CEP350: variants seen among roughly 807,000 people sequenced by gnomAD.
CEP350 encodes centrosomal protein 350, also known as centrosome-associated protein 350.
Under a neutral mutation model 331.8 loss-of-function variants are expected in CEP350, and 126 were observed. The observed-to-expected ratio is 0.38, with a 90% CI of 0.33 to 0.44. The LOEUF is 0.44. Ranked by LOEUF, CEP350 falls within the 20% of genes least tolerant of loss-of-function variation. The pLI is 1.00. For missense variants in CEP350, 3,406 were observed against 3,634.6 expected (o/e 0.94, Z 1.62); for synonymous variants, 1,200 against 1,259.5 (o/e 0.95, Z 1.00).
In CEP350 at chr1:180,014,447, T is replaced by G; in HGVS notation, c.1994T>G (p.Leu665Arg). Reference protein sequence around the residue: ...RRLQETYSKLLLEKTLLEEPS... With the variant: ...RRLQETYSKLRLEKTLLEEPS... ...CTACAGGAAACTTACTCCAAATTGC[T>G]ACTAGAAAAGACCTTGCTTGAAGAG... The change falls in exon 10 of 38, where the codon CTA becomes CGA. Residue 665 changes from leucine to arginine, a missense_variant. Around this residue, in one of 5 missense-constraint regions of CEP350, gnomAD observed 1,857 missense variants for 1,909.2 expected, o/e 0.97. Transcript: ENST00000367607. The G allele has an allele frequency of 6.2e-7, 1 of 1,610,188 alleles. No homozygotes were observed.
chr1:180,078,805 T>G, intron 29 of CEP350, 131 bp downstream of exon 29: 1 of 732,790 alleles, frequency 1.4e-6, no homozygotes, highest in East Asian at 2.8e-5. Context: ...GATATAACAT[T>G]TGAATAGAAA....
At chr1:179,959,633 A>T (rs1650436449) in intron 1 of CEP350, among the ~76,000 whole-genome samples, 1 of 151,964 alleles carries the variant, frequency 6.6e-6, no homozygotes, top group Non-Finnish European at 1.5e-5. Flanking sequence ...AGGCTCCTAT[A>T]ATCCCAGCTG....
At chr1:180,046,157 A>C (rs1055535102) in intron 21 of CEP350, among the ~76,000 whole-genome samples, 1 of 152,196 alleles carries the variant, frequency 6.6e-6, no homozygotes. Flanking sequence ...TTTGTTAGTC[A>C]GTTACATTCT....
chr1:180,090,739 T>C lies in CEP350; in HGVS notation c.6451T>C (p.Ser2151Pro). The change falls in exon 33 of 38, where the codon TCA becomes CCA. Residue 2151 changes from serine (S) to proline (P), a missense_variant. This residue lies in a region of CEP350 where 1,415 missense variants were observed against 1,512.3 expected (regional missense o/e 0.94). Coordinates refer to ENST00000367607, the MANE Select transcript of CEP350 (RefSeq NM_014810.5). ...HRSETAKNWK[S>P]LTESERSRGS... Reference sequence around the variant, plus strand: ...ATCTGAAACGGCAAAGAATTGGAAATCACTAACAGAGTCAGAACGTTCCAG... The same window carrying C: ...ATCTGAAACGGCAAAGAATTGGAAACCACTAACAGAGTCAGAACGTTCCAG... 6.4e-7 allele frequency: 1 copy of C among 1,553,650 alleles called. No individual in the cohort carries two copies. The highest frequency in any genetic ancestry group is 8.7e-7 in the Non-Finnish European group (1 of 1,147,914).
Position 179,996,820 on chromosome 1 carries a change from T to C in CEP350, c.663T>C (p.Thr221=). The C allele has an allele frequency of 6.2e-7, 1 of 1,613,690 alleles. No homozygotes were observed. The change falls in exon 6 of 38, where the codon ACT becomes ACC. Residue 221 remains threonine, a synonymous_variant. Coordinates refer to ENST00000367607, the MANE Select transcript of CEP350 (RefSeq NM_014810.5). ...CLIRMGASMR[T]EEEMPNRTKG... ...TTAGGATGGGAGCTTCTATGAGAAC[T>C]GAGGAAGAAATGCCTAACAGAACAA...
intron 21 of CEP350, among the ~76,000 whole-genome samples, chr1:180,045,187 C>T (rs1047672378): frequency 6.6e-6 from 1 of 152,048 alleles, no homozygotes; most frequent in African/African-American, 2.4e-5. Context: ...ACTAAAAAAA[C>T]AAAAATTAGC....
chr1:179,965,461 C>T (rs557530663), intron 1 of CEP350, among the ~76,000 whole-genome samples: 49 of 152,098 alleles, frequency 3.2e-4, no homozygotes, highest in African/African-American at 1.1e-3. Context: ...TATGCTTTGA[C>T]GTTCTGTTTC....
chr1:179,973,297 A>G (rs747029052), intron 1 of CEP350, among the ~76,000 whole-genome samples: 2 of 152,150 alleles, frequency 1.3e-5, no homozygotes, highest in African/African-American at 2.4e-5. Flanking sequence ...AAACACTAAC[A>G]TTTTTTGTGA....
chr1:179,992,823 G>A (rs1460846469), intron 5 of CEP350, among the ~76,000 whole-genome samples: 2 of 152,098 alleles, frequency 1.3e-5, no homozygotes, highest in Admixed American at 1.3e-4. Context: ...TTTTGTATTT[G>A]AGGGACACTT....
chr1:180,050,457 G>A (rs1430038157), intron 22 of CEP350, among the ~76,000 whole-genome samples: 1 of 152,086 alleles, frequency 6.6e-6, no homozygotes, highest in East Asian at 1.9e-4. Context: ...GAGGTCAGGA[G>A]TTCAAGACCA....
intron 22 of CEP350, chr1:180,052,325 C>A: frequency 2.4e-6 from 1 of 417,982 alleles, no homozygotes; most frequent in Admixed American, 2.9e-5. Context: ...AGGTGTGAGC[C>A]CCTGTGCCTG....
chr1:180,110,982 T>C lies in CEP350; in HGVS notation c.9190-15T>C, dbSNP rs1661442877. On this transcript the variant is annotated splice_polypyrimidine_tract_variant and intron_variant, in intron 37 of 37. Coordinates refer to ENST00000367607, the MANE Select transcript of CEP350 (RefSeq NM_014810.5). ...TGACAGGAATTTTCTAACCTTATTG[T>C]CTTCTAAATCCTAGGTTCAGGAGCT... The C allele has an allele frequency of 6.2e-7, 1 of 1,610,564 alleles. No homozygotes were observed. Among genetic ancestry groups the C allele is most frequent in the Non-Finnish European group, 8.5e-7 (1 of 1,177,140 alleles).
chr1:179,990,785 G>A (rs1652999565), intron 4 of CEP350, among the ~76,000 whole-genome samples, 164 bp downstream of exon 4: 1 of 152,150 alleles, frequency 6.6e-6, no homozygotes, highest in Non-Finnish European at 1.5e-5. Context: ...TTGAACTCCT[G>A]GCCTTAAGTA....
intron 23 of CEP350, 56 bp from the exon 24 acceptor site, chr1:180,053,694 A>T: frequency 9.6e-7 from 1 of 1,045,770 alleles, no homozygotes; most frequent in Non-Finnish European, 1.3e-6. Context: ...CTTTTAGTGG[A>T]ATTAAGTACC....
In CEP350 at chr1:180,014,422, C is replaced by T; in HGVS notation, c.1969C>T (p.Leu657=). 1 of 1,608,332 alleles carries T rather than the reference C, an allele frequency of 6.2e-7. No homozygotes were observed. Among genetic ancestry groups the T allele is most frequent in the Non-Finnish European group, 8.5e-7 (1 of 1,177,348 alleles). Residue 657 remains leucine, a synonymous_variant, in exon 10 of 38, where the codon CTA becomes TTA. Coordinates refer to ENST00000367607, the MANE Select transcript of CEP350 (RefSeq NM_014810.5). Reference sequence around the variant, plus strand: ...TTCTGAGCCATCAGCAACTAGGCGACTACAGGAAACTTACTCCAAATTGCT... The same window carrying T: ...TTCTGAGCCATCAGCAACTAGGCGATTACAGGAAACTTACTCCAAATTGCT... ...PPSEPSATRR[L]QETYSKLLLE...
At chr1:180,109,849 G>T (rs1404056784) in intron 37 of CEP350, among the ~76,000 whole-genome samples, 2 of 152,068 alleles carry the variant, frequency 1.3e-5, no homozygotes, top group Non-Finnish European at 2.9e-5. Context: ...TGGCCAGGCT[G>T]ATCTCCAACT....
chr1:180,099,171 G>T (rs1025718200), intron 37 of CEP350, among the ~76,000 whole-genome samples, 186 bp downstream of exon 37: 1 of 152,106 alleles, frequency 6.6e-6, no homozygotes, highest in South Asian at 2.1e-4. Context: ...CTCAGTAGAT[G>T]AACATTTAAC....
At position 180,043,095 on chromosome 1, in the gene CEP350, G is replaced by A. The variant is rs1348419298; in HGVS notation, c.4402G>A (p.Val1468Met). 16 of 1,613,412 alleles carry A rather than the reference G, an allele frequency of 9.9e-6. No individual in the cohort carries two copies. Among genetic ancestry groups the A allele is most frequent in the East Asian group, 2.2e-5 (1 of 44,858 alleles). ...TAGAACTCATATCTCAGATGCTGTC[G>A]TGGCTTCAGGAGCTCCCCTTGCAAT... ...LTRTHISDAV[V>M]ASGAPLAILY... Residue 1468 changes from valine to methionine, a missense_variant, in exon 20 of 38, where the codon GTG (valine) becomes ATG (methionine). Val to Met is a conservative substitution (Grantham distance 21, BLOSUM62 1). Transcript: ENST00000367607.
At chr1:180,062,425 C>G in intron 26 of CEP350, 59 bp downstream of exon 26, 1 of 1,485,258 alleles carries the variant, frequency 6.7e-7, no homozygotes. Flanking sequence ...GGTATCTAAC[C>G]CTGTCTCATG....
Sources: gnomAD v4.1 joint callset for allele counts (sites outside exome capture counted in the v4.1 genomes callset) on GRCh38, gnomAD v4.1.1 for gene constraint, gnomAD v4.1.1 regional missense constraint, MANE v1.5 for transcripts, NCBI Gene and HGNC (gene_info 2026-07-23, HGNC 2026-07-21) for gene names.